Variants in GALC observed in about 807,000 individuals in gnomAD.
GALC encodes the protein galactosylceramidase.
Under a neutral mutation model 91.8 loss-of-function variants are expected in GALC, and 77 were observed. That is an observed-to-expected ratio of 0.84 (90% CI 0.70 to 1.01). The LOEUF (loss-of-function observed/expected upper bound fraction) is 1.01. Among genes scored for constraint, GALC ranks in the 50% least tolerant of loss-of-function variants. The probability of loss-of-function intolerance (pLI) is 0.00; values close to 1 mark genes in which losing one functional copy is unlikely to be tolerated. For missense variants in GALC, 882 were observed against 855.9 expected (o/e 1.03, Z -0.38); for synonymous variants, 357 against 306.7 (o/e 1.16, Z -1.71).
rs768424471 is a variant in GALC at position 87,963,532 on chromosome 14, C to A, written c.1034-21G>T. 3.1e-6 allele frequency: 5 copies of A among 1,604,028 alleles called. No individual in the cohort carries two copies. In the South Asian group the frequency reaches 4.4e-5, roughly 14 times the overall value. ...ATGAGCTATAGAAAAACAGAAAGTT[C>A]CAAATAAGACAAAAATGGTAATAAT... On this transcript the variant is annotated intron_variant, in intron 9 of 16. Coordinates refer to ENST00000261304, the MANE Select transcript of GALC (RefSeq NM_000153.4).
intron 14 of GALC, among the ~76,000 whole-genome samples, chr14:87,944,948 G>GTT: frequency 6.7e-6 from 1 of 148,188 alleles, no homozygotes; most frequent in East Asian, 2.0e-4. Context: ...CATGACAGGT[G>GTT]GAATAAGTCA....
chr14:87,950,620 T>G, intron 11 of GALC, 39 bp downstream of exon 11: 2 of 1,277,090 alleles, frequency 1.6e-6, no homozygotes, highest in Middle Eastern at 2.0e-4. Flanking sequence ...TATAAATTCT[T>G]AAATCAAAAC....
At chr14:87,959,935 A>G (rs1457584153) in intron 10 of GALC, among the ~76,000 whole-genome samples, 4 of 152,154 alleles carry the variant, frequency 2.6e-5, no homozygotes, top group Non-Finnish European at 5.9e-5. Context: ...TATATACACA[A>G]TGGAGTACTA....
chr14:87,990,830 A>G (rs56150647), intron 1 of GALC, among the ~76,000 whole-genome samples: 14 of 152,288 alleles, frequency 9.2e-5, no homozygotes, highest in Admixed American at 3.3e-4. Context: ...ATAGCAAATC[A>G]CGGGATTACT....
chr14:87,986,091 AAC>A lies in GALC; in HGVS notation c.442+396_442+397del, dbSNP rs756762407. The stretch of plus-strand genomic sequence containing the variant: ...ACTGCATGTAATATACATTTTTGTG[AAC>A]AGTGTTACCCTTTTATAAATACTGA... On this transcript the variant is annotated intron_variant, in intron 4 of 16. Transcript: ENST00000261304. 8.7e-4 allele frequency among the ~76,000 whole-genome samples: 133 copies of A among 152,350 alleles called. 1 individual carries two copies. Among genetic ancestry groups the A allele is most frequent in the South Asian group, 6.2e-4 (3 of 4,832 alleles).
chr14:87,947,853 G>A lies in GALC; in HGVS notation c.1364C>T (p.Thr455Ile). 1 of 1,612,474 alleles carries A rather than the reference G, an allele frequency of 6.2e-7. No individual in the cohort carries two copies. Among genetic ancestry groups the A allele is most frequent in the Non-Finnish European group, 8.5e-7 (1 of 1,179,030 alleles). Reference sequence around the variant, plus strand: ...CAGCTCATCTTCATGCAGGCTCAGTGTGAAACTGCCATCGCTGTCAAGGAG... The same window carrying A: ...CAGCTCATCTTCATGCAGGCTCAGTATGAAACTGCCATCGCTGTCAAGGAG... ...LWLLDSDGSF[T>I]LSLHEDELFT... Residue 455 changes from threonine (T) to isoleucine (I), a missense_variant, in exon 13 of 17, where the codon ACA (threonine) becomes ATA (isoleucine). Transcript: ENST00000261304.
chr14:87,945,560 AG>A lies in GALC; in HGVS notation c.1662del (p.Tyr555ThrfsTer6). ...DASNTISIIG[D>X]YNWTNLTIKC... ...TGAGAACATCAATCTTACCAGTTGT[AG>A]TCTCCTATAATACTGATTGTGTTGG... On this transcript the variant is annotated frameshift_variant, in exon 14 of 17. Transcript: ENST00000261304. LOFTEE classifies it high-confidence loss of function. 6.3e-7 allele frequency: 1 copy of A among 1,594,018 alleles called. No homozygotes were observed. The highest frequency in any genetic ancestry group is 1.3e-5 in the African/African-American group (1 of 74,592).
At chr14:87,955,182 T>G (rs1393368917) in intron 10 of GALC, 1 of 1,256,022 alleles carries the variant, frequency 8.0e-7, no homozygotes, top group African/African-American at 1.5e-5. Flanking sequence ...CTGTAAAGCA[T>G]GGAGCCGATG....
intron 10 of GALC, among the ~76,000 whole-genome samples, chr14:87,960,307 C>T (rs1247837401): frequency 6.6e-6 from 1 of 152,132 alleles, no homozygotes; most frequent in Non-Finnish European, 1.5e-5. Context: ...TACAAAGTAA[C>T]TATTGGACAG....
intron 15 of GALC, 43 bp from the exon 16 acceptor site, chr14:87,940,024 T>C (rs1222425375): frequency 6.9e-7 from 1 of 1,457,854 alleles, no homozygotes; most frequent in South Asian, 1.1e-5. Context: ...AATTTTGAGA[T>C]CTCAATCACA....
rs138412256 is a variant in GALC at position 87,970,143 on chromosome 14, T to C, written c.753-1653A>G. Among the ~76,000 whole-genome samples the C allele has an allele frequency of 2.8e-3, 434 of 152,328 alleles. 3 individuals carry two copies. The highest frequency in any genetic ancestry group is 9.9e-3 in the African/African-American group (412 of 41,588). On this transcript the variant is annotated intron_variant, in intron 7 of 16. Coordinates refer to ENST00000261304, the MANE Select transcript of GALC (RefSeq NM_000153.4). ...TCTTCTATCCCACAACTCCATTCTA[T>C]TTCCATGAAATTCAGCTTTGGTACC...
intron 7 of GALC, among the ~76,000 whole-genome samples, chr14:87,974,975 T>C (rs1266717149): frequency 6.6e-6 from 1 of 152,106 alleles, no homozygotes; most frequent in Non-Finnish European, 1.5e-5. Context: ...GAAAATATAT[T>C]TAAGATTAAC....
chr14:87,946,932 T>C (rs1201786902), intron 13 of GALC, among the ~76,000 whole-genome samples: 1 of 151,748 alleles, frequency 6.6e-6, no homozygotes, highest in Non-Finnish European at 1.5e-5. Flanking sequence ...TAGCAGTGAC[T>C]GGGAAAGGGT....
At position 87,956,601 on chromosome 14, in the gene GALC, C is replaced by T. The variant is rs200947420; in HGVS notation, c.1162-5853G>A. Reference sequence around the variant, plus strand: ...CACACACACCATATATATACACACACACACACACACACACACACACCATAT... The same window carrying T: ...CACACACACCATATATATACACACATACACACACACACACACACACCATAT... On this transcript the variant is annotated intron_variant, in intron 10 of 16. Coordinates refer to ENST00000261304, the MANE Select transcript of GALC (RefSeq NM_000153.4). Among the ~76,000 whole-genome samples, 1,242 of 127,322 alleles carry T rather than the reference C, an allele frequency of 9.8e-3. 55 individuals carry two copies. The East Asian group carries it at 0.13, about 13-fold the overall frequency. 83.5% of individuals were successfully genotyped at this position (127,322 alleles called of 152,430 possible).
intron 9 of GALC, 64 bp from the exon 10 acceptor site, chr14:87,963,575 A>T: frequency 1.4e-6 from 2 of 1,421,662 alleles, no homozygotes; most frequent in Middle Eastern, 1.9e-4. Context: ...CTTTTGGGAA[A>T]AAAAAAAAGC....
intron 10 of GALC, among the ~76,000 whole-genome samples, chr14:87,955,849 C>A (rs1217004215): frequency 6.6e-6 from 1 of 151,706 alleles, no homozygotes; most frequent in Non-Finnish European, 1.5e-5. Flanking sequence ...GTAGAAGAAG[C>A]TCATGTAAAA....
At chr14:87,940,012 A>G (rs1364722555) in intron 15 of GALC, 31 bp from the exon 16 acceptor site, 12 of 1,531,958 alleles carry the variant, frequency 7.8e-6, no homozygotes, top group African/African-American at 2.7e-5. Context: ...CCCAATAGAT[A>G]TAATTTTGAG....
chr14:87,976,561 AG>A, intron 6 of GALC, 73 bp from the exon 7 acceptor site: 1 of 1,197,982 alleles, frequency 8.3e-7, no homozygotes, highest in Non-Finnish European at 1.2e-6. Context: ...TGACCAAGAT[AG>A]ATAAAGTTAT....
chr14:87,950,591 A>T, intron 11 of GALC, 68 bp downstream of exon 11: 1 of 963,814 alleles, frequency 1.0e-6, no homozygotes, highest in Non-Finnish European at 1.6e-6. Context: ...CTTAAGAACT[A>T]CTGGCCTGTG....
Sources: gnomAD v4.1 joint callset for allele counts (sites outside exome capture counted in the v4.1 genomes callset) on GRCh38, gnomAD v4.1.1 for gene constraint, MANE v1.5 for transcripts, NCBI Gene and HGNC (gene_info 2026-07-23, HGNC 2026-07-21) for gene names.